FBXL2: variants seen among roughly 807,000 people sequenced by gnomAD.
FBXL2 encodes the protein F-box and leucine rich repeat protein 2.
In FBXL2, 38 loss-of-function variants were observed where a neutral mutation model predicts 69.2. The observed-to-expected ratio is 0.55, with a 90% CI of 0.42 to 0.72. FBXL2 has a LOEUF of 0.72. FBXL2 is among the 30% of genes least tolerant of loss of function. The probability of loss-of-function intolerance (pLI) is 0.00; values close to 1 mark genes in which losing one functional copy is unlikely to be tolerated. For missense variants in FBXL2, 354 were observed against 520.3 expected (o/e 0.68, Z 3.11); for synonymous variants, 192 against 201.3 (o/e 0.95, Z 0.39).
In FBXL2 at chr3:33,305,557, T is replaced by C. The variant is rs148142347; in HGVS notation, c.65+7832T>C. ...TATCTGATTTTTTTTTGAATTAATATAAGCCTCAAAGAATTGAGTTGAGCA... is the reference window on the plus strand; with the variant it reads ...TATCTGATTTTTTTTTGAATTAATACAAGCCTCAAAGAATTGAGTTGAGCA... On this transcript the variant is annotated intron_variant, in intron 2 of 14. Coordinates refer to ENST00000484457, the MANE Select transcript of FBXL2 (RefSeq NM_012157.5). Among the ~76,000 whole-genome samples, 1,225 of 152,074 alleles carry C rather than the reference T, an allele frequency of 8.1e-3. 11 individuals carry two copies. The highest frequency in any genetic ancestry group is 0.028 in the African/African-American group (1,172 of 41,554).
At chr3:33,283,581 T>G (rs973655339) in intron 1 of FBXL2, among the ~76,000 whole-genome samples, 1 of 152,190 alleles carries the variant, frequency 6.6e-6, no homozygotes, top group Non-Finnish European at 1.5e-5. Context: ...TTAGGGAGGA[T>G]ACCCTCTTTT....
At position 33,282,110 on chromosome 3, in the gene FBXL2, A is replaced by T. The variant is rs544954343; in HGVS notation, c.3+4595A>T. ...CATTGCTTTTGGTGTTTTAGTCACG[A>T]AGTCCTTGCCCATGCCTATGTCTTG... On this transcript the variant is annotated intron_variant, in intron 1 of 14. Coordinates refer to ENST00000484457, the MANE Select transcript of FBXL2 (RefSeq NM_012157.5). 3.3e-5 allele frequency among the ~76,000 whole-genome samples: 5 copies of T among 152,250 alleles called. No homozygotes were observed. In the East Asian group the frequency reaches 9.7e-4, roughly 29 times the overall value.
At chr3:33,396,569 T>A (rs745410259) in intron 12 of FBXL2, 4 of 419,154 alleles carry the variant, frequency 9.5e-6, no homozygotes, top group African/African-American at 2.0e-5. Flanking sequence ...TCAGTAAGAT[T>A]CAATTTTAAT....
At chr3:33,374,607 C>T (rs935167686) in intron 9 of FBXL2, among the ~76,000 whole-genome samples, 8 of 152,124 alleles carry the variant, frequency 5.3e-5, no homozygotes, top group South Asian at 2.1e-4. Context: ...CAAACGTTGA[C>T]CATATGGGCC....
At chr3:33,378,846 CTT>C in intron 13 of FBXL2, 105 bp downstream of exon 13, 1 of 1,584,712 alleles carries the variant, frequency 6.3e-7, no homozygotes, top group Admixed American at 1.8e-5. Context: ...TATCATCTCT[CTT>C]GATTTCAAAA....
At chr3:33,395,750 G>GAAAAAAAAAAAAAAAA (rs61654235) in intron 12 of FBXL2, among the ~76,000 whole-genome samples, 1 of 69,788 alleles carries the variant, frequency 1.4e-5, no homozygotes, top group Non-Finnish European at 2.6e-5. Flanking sequence ...CAGGAAAATT[G>GAAAAAAAAAAAAAAAA]AAAAAAAAAA....
At chr3:33,417,638 G>A in the FBXL2 span, among the ~76,000 whole-genome samples, 1 of 152,018 alleles carries the variant, frequency 6.6e-6, no homozygotes, top group Non-Finnish European at 1.5e-5. Flanking sequence ...AGATAATTAG[G>A]AAAATGCTGC....
chr3:33,300,456 G>A (rs1328013127), intron 2 of FBXL2: 1 of 152,098 alleles, frequency 6.6e-6, no homozygotes, highest in Non-Finnish European at 1.5e-5. Context: ...AGAAAGAATT[G>A]CCATTTGTGA....
At chr3:33,378,579 G>C (rs543153771) in intron 12 of FBXL2, 106 bp from the exon 13 acceptor site, 12 of 1,200,654 alleles carry the variant, frequency 1.0e-5, no homozygotes, top group Non-Finnish European at 1.2e-6. Flanking sequence ...TTTGAGATGA[G>C]TTTTTAATTC....
chr3:33,349,593 CAG>C (rs1237352550), intron 2 of FBXL2, among the ~76,000 whole-genome samples: 3 of 152,146 alleles, frequency 2.0e-5, no homozygotes, highest in Non-Finnish European at 4.4e-5. Flanking sequence ...GTTCTGGTAT[CAG>C]GGTAATACTG....
downstream of FBXL2, chr3:33,392,644 A>G (rs1310401908): frequency 6.4e-7 from 1 of 1,573,424 alleles, no homozygotes; most frequent in Non-Finnish European, 8.7e-7. Context: ...GCGTAAGTAC[A>G]ATTAAGATCC....
At chr3:33,341,419 C>G (rs913435874) in intron 2 of FBXL2, among the ~76,000 whole-genome samples, 1 of 151,904 alleles carries the variant, frequency 6.6e-6, no homozygotes, top group African/African-American at 2.4e-5. Flanking sequence ...GAACCAGGAG[C>G]TATAATGTTT....
At chr3:33,372,248 G>A (rs1432495313) in intron 5 of FBXL2, 2 of 152,168 alleles carry the variant, frequency 1.3e-5, no homozygotes, top group Admixed American at 1.3e-4. Context: ...ATTCTTGAGG[G>A]GCACCCTCCA....
chr3:33,418,483 T>A, the FBXL2 span, among the ~76,000 whole-genome samples: 1 of 151,876 alleles, frequency 6.6e-6, no homozygotes, highest in South Asian at 2.1e-4. Context: ...AGTCTTGAAC[T>A]CCTGACCTCG....
intron 2 of FBXL2, among the ~76,000 whole-genome samples, chr3:33,352,291 A>G (rs1163456236): frequency 6.6e-6 from 1 of 152,220 alleles, no homozygotes; most frequent in Non-Finnish European, 1.5e-5. Context: ...AGATGAAGGT[A>G]GACACAGACC....
chr3:33,282,939 G>C (rs1030648419), intron 1 of FBXL2, among the ~76,000 whole-genome samples: 3 of 152,234 alleles, frequency 2.0e-5, no homozygotes, highest in African/African-American at 7.2e-5. Flanking sequence ...AGCTTAAGGA[G>C]ATTTTTGGCT....
At chr3:33,393,447 A>G (rs200397467) in intron 12 of FBXL2, 2 of 1,593,178 alleles carry the variant, frequency 1.3e-6, no homozygotes, top group East Asian at 2.2e-5. Flanking sequence ...AGTAGATTGC[A>G]TGATAAACTG....
chr3:33,302,271 T>C (rs989353686), intron 2 of FBXL2, among the ~76,000 whole-genome samples: 4 of 152,190 alleles, frequency 2.6e-5, no homozygotes, highest in African/African-American at 9.6e-5. Context: ...CAGTAGAAAT[T>C]GCATACTACT....
At chr3:33,399,527 T>C (rs1348324435) in intron 12 of FBXL2, among the ~76,000 whole-genome samples, 1 of 152,224 alleles carries the variant, frequency 6.6e-6, no homozygotes, top group East Asian at 1.9e-4. Context: ...GTGGCCGTTA[T>C]GCTAGTGAAA....
Sources: gnomAD v4.1 joint callset for allele counts (sites outside exome capture counted in the v4.1 genomes callset) on GRCh38, gnomAD v4.1.1 for gene constraint, MANE v1.5 for transcripts, NCBI Gene and HGNC (gene_info 2026-07-23, HGNC 2026-07-21) for gene names.